The following EBPL variants were observed in gnomAD, a reference collection of about 807,000 sequenced individuals.
The protein encoded by EBPL is emopamil-binding protein-like.
EBPL carries 20 observed loss-of-function variants against 19.0 expected under a neutral mutation model. That is an observed-to-expected ratio of 1.05 (90% CI 0.74 to 1.53). The LOEUF (loss-of-function observed/expected upper bound fraction) is 1.53. Ranked by LOEUF, EBPL falls within the 40% of genes most tolerant of loss-of-function variation. The pLI is 0.00. For missense variants in EBPL, 219 were observed against 261.1 expected (o/e 0.84, Z 1.11); for synonymous variants, 107 against 117.0 (o/e 0.91, Z 0.55).
chr13:49,669,153 A>G (rs1381283809), intron 2 of EBPL, among the ~76,000 whole-genome samples: 6 of 152,156 alleles, frequency 3.9e-5, no homozygotes, highest in Non-Finnish European at 8.8e-5. Context: ...TGCTGGGATT[A>G]CAGGCGTGAG....
At chr13:49,664,285 G>A (rs2137483206) in intron 2 of EBPL, among the ~76,000 whole-genome samples, 1 of 152,300 alleles carries the variant, frequency 6.6e-6, no homozygotes, top group South Asian at 2.1e-4. Flanking sequence ...TAACAGAAGA[G>A]AAACTAGGTG....
At position 49,660,883 on chromosome 13, in the gene EBPL, G is replaced by C. The variant is rs1421616493; in HGVS notation, c.*85C>G. 11 of 1,184,578 alleles carry C rather than the reference G, an allele frequency of 9.3e-6. No homozygotes were observed. The East Asian group carries it at 2.4e-4, about 25-fold the overall frequency. 73.4% of individuals were successfully genotyped at this position (1,184,578 alleles called of 1,614,324 possible). On this transcript the variant is annotated 3_prime_UTR_variant, in exon 4 of 4. Transcript: ENST00000242827. ...CAATACAAAAACAAAGTGTAGACTG[G>C]AATGTATTACATTTTGGCCAAACAA...
intron 3 of EBPL, among the ~76,000 whole-genome samples, chr13:49,661,411 C>CA (rs1427029834): frequency 2.6e-5 from 4 of 152,168 alleles, no homozygotes; most frequent in Non-Finnish European, 5.9e-5. Flanking sequence ...CTTAGAGGAG[C>CA]AACACTGCCC....
rs372716512 is a variant in EBPL at position 49,660,937 on chromosome 13, G to A, written c.*31C>T. 1.4e-4 allele frequency: 210 copies of A among 1,550,622 alleles called. 1 individual carries two copies. The African/African-American group carries it at 2.7e-3, about 20-fold the overall frequency. ...GATTTGATTCATTCTGGTTCATGAA[G>A]TTAGATAATGGTGTTTATGGTTTTG... On this transcript the variant is annotated 3_prime_UTR_variant, in exon 4 of 4. Coordinates refer to ENST00000242827, the MANE Select transcript of EBPL (RefSeq NM_032565.5).
intron 2 of EBPL, among the ~76,000 whole-genome samples, chr13:49,664,515 T>C (rs980446089): frequency 2.0e-5 from 3 of 152,170 alleles, no homozygotes; most frequent in Admixed American, 1.3e-4. Context: ...AGAAAGTCTT[T>C]TCAGGGCTGG....
chr13:49,662,622 T>G (rs2137480881), intron 3 of EBPL, among the ~76,000 whole-genome samples: 1 of 152,100 alleles, frequency 6.6e-6, no homozygotes, highest in African/African-American at 2.4e-5. Context: ...TCACATAAAA[T>G]AATTTTCATT....
At position 49,669,796 on chromosome 13, in the gene EBPL, A is replaced by G. The variant is rs892081164; in HGVS notation, c.222T>C (p.Asp74=). 3 of 1,614,180 alleles carry G rather than the reference A, an allele frequency of 1.9e-6. No homozygotes were observed. Among genetic ancestry groups the G allele is most frequent in the Non-Finnish European group, 2.5e-6 (3 of 1,179,998 alleles). ...LSLVGNVANS[D]GLIASLWKEY... ...ACTTACATAAAGAAGCAATCAAGCC[A>G]TCGGAATTTGCAACGTTTCCTACTA... The change falls in exon 2 of 4, where the codon GAT becomes GAC. Residue 74 remains aspartate (D), a synonymous_variant. Transcript: ENST00000242827.
intron 1 of EBPL, among the ~76,000 whole-genome samples, chr13:49,678,791 G>T (rs1953909121): frequency 6.6e-6 from 1 of 152,038 alleles, no homozygotes; most frequent in East Asian, 1.9e-4. Context: ...GGCTGAGGAG[G>T]CACCGAGAGC....
At chr13:49,667,250 C>T (rs1965242016) in intron 2 of EBPL, among the ~76,000 whole-genome samples, 1 of 152,174 alleles carries the variant, frequency 6.6e-6, no homozygotes, top group South Asian at 2.1e-4. Context: ...AAAAGGCAAA[C>T]AGGAGCATTA....
At chr13:49,676,276 G>A (rs1212585785) in intron 1 of EBPL, among the ~76,000 whole-genome samples, 1 of 152,178 alleles carries the variant, frequency 6.6e-6, no homozygotes, top group Non-Finnish European at 1.5e-5. Context: ...CTGCTGCCTG[G>A]TAACCTCCTC....
At chr13:49,663,395 C>G (rs994085957) in intron 2 of EBPL, among the ~76,000 whole-genome samples, 200 bp from the exon 3 acceptor site, 8 of 152,182 alleles carry the variant, frequency 5.3e-5, no homozygotes, top group Admixed American at 3.9e-4. Context: ...CTGAGAACAG[C>G]AGCAGGTTTA....
chr13:49,689,044 A>G (rs1006784907), intron 1 of EBPL, among the ~76,000 whole-genome samples: 5 of 152,236 alleles, frequency 3.3e-5, no homozygotes, highest in Non-Finnish European at 4.4e-5. Context: ...TTCATCAAAT[A>G]TAAGATACAT....
chr13:49,688,576 G>A (rs1055330046), intron 1 of EBPL, among the ~76,000 whole-genome samples: 3 of 151,952 alleles, frequency 2.0e-5, no homozygotes, highest in African/African-American at 4.8e-5. Context: ...AAAATTAGCC[G>A]GGCGTGGTGG....
In EBPL at chr13:49,683,217, C is replaced by A. The variant is rs551998487; in HGVS notation, c.171+8037G>T. ...CTCGAACTCCCAACCTCAGGTGATCCGCCCGCCTCAGCCTCCCAAAGTGCT... is the reference window on the plus strand; with the variant it reads ...CTCGAACTCCCAACCTCAGGTGATCAGCCCGCCTCAGCCTCCCAAAGTGCT... On this transcript the variant is annotated intron_variant, in intron 1 of 3. Coordinates refer to ENST00000242827, the MANE Select transcript of EBPL (RefSeq NM_032565.5). Among the ~76,000 whole-genome samples the A allele has an allele frequency of 2.8e-4, 43 of 151,908 alleles. 2 individuals are homozygous for A. Among genetic ancestry groups the A allele is most frequent in the Middle Eastern group, 6.8e-3 (2 of 294 alleles).
At chr13:49,684,282 G>T (rs1377260196) in intron 1 of EBPL, among the ~76,000 whole-genome samples, 1 of 152,190 alleles carries the variant, frequency 6.6e-6, no homozygotes, top group Non-Finnish European at 1.5e-5. Flanking sequence ...AAAGCTGGAG[G>T]GAGGAAAAGG....
chr13:49,681,353 C>T (rs559157640), intron 1 of EBPL, among the ~76,000 whole-genome samples: 4 of 152,214 alleles, frequency 2.6e-5, no homozygotes, highest in East Asian at 1.9e-4. Context: ...TGCAGTGGTG[C>T]GATCTCGGCT....
intron 1 of EBPL, among the ~76,000 whole-genome samples, chr13:49,684,167 C>T (rs952702101): frequency 1.3e-5 from 2 of 152,146 alleles, no homozygotes; most frequent in Admixed American, 6.5e-5. Flanking sequence ...GTGATGGAAA[C>T]GTTCTATACT....
At chr13:49,677,476 C>A (rs1204731556) in intron 1 of EBPL, among the ~76,000 whole-genome samples, 1 of 152,200 alleles carries the variant, frequency 6.6e-6, no homozygotes, top group Admixed American at 6.5e-5. Flanking sequence ...AAATATAAAT[C>A]AGCAAACACA....
chr13:49,679,023 T>C (rs1470610720), intron 1 of EBPL, among the ~76,000 whole-genome samples: 1 of 37,538 alleles, frequency 2.7e-5, no homozygotes, highest in East Asian at 7.7e-4. Context: ...AAAAAAAGAC[T>C]ATTCAGGGGC....
Sources: allele counts gnomAD v4.1 joint callset (sites outside exome capture counted in the v4.1 genomes callset), GRCh38; gene constraint gnomAD v4.1.1; transcripts MANE v1.5; gene names NCBI Gene and HGNC (gene_info 2026-07-23, HGNC 2026-07-21).